CUX2: variants seen among roughly 807,000 people sequenced by gnomAD.
CUX2 encodes the protein homeobox protein cut-like 2.
A neutral mutation model predicts 144.8 loss-of-function variants in CUX2; 40 were observed. The ratio of observed to expected loss-of-function variants is 0.28; its 90% CI spans 0.21 to 0.36. The LOEUF is 0.36. CUX2 is among the 10% of genes least tolerant of loss of function. The pLI, the probability that CUX2 is intolerant of heterozygous loss-of-function variation, is 1.00. For missense variants in CUX2, 1,615 were observed against 1,994.0 expected (o/e 0.81, Z 3.62); for synonymous variants, 827 against 875.6 (o/e 0.94, Z 0.98).
intron 4 of CUX2, among the ~76,000 whole-genome samples, chr12:111,271,032 A>G (rs113098643): frequency 2.0e-5 from 3 of 152,238 alleles, no homozygotes; most frequent in Non-Finnish European, 4.4e-5. Context: ...ACATGAAAGC[A>G]TTCCGCAGGG....
intron 1 of CUX2, among the ~76,000 whole-genome samples, chr12:111,113,837 G>A (rs1026525004): frequency 5.3e-5 from 8 of 152,228 alleles, no homozygotes; most frequent in Admixed American, 3.9e-4. Context: ...GATTACAGGC[G>A]TGAGCTGCCG....
chr12:111,128,318 T>C (rs903973680), intron 1 of CUX2, among the ~76,000 whole-genome samples: 4 of 152,220 alleles, frequency 2.6e-5, no homozygotes, highest in Admixed American at 6.5e-5. Context: ...GAAGGAGCTG[T>C]CTGCTTGCCA....
chr12:111,049,809 G>A (rs1870176295), intron 1 of CUX2, among the ~76,000 whole-genome samples: 1 of 152,198 alleles, frequency 6.6e-6, no homozygotes, highest in Non-Finnish European at 1.5e-5. Flanking sequence ...CTTTTTGAGA[G>A]AGACTTTTTT....
At chr12:111,314,599 C>T (rs1469392731) in intron 16 of CUX2, among the ~76,000 whole-genome samples, 5 of 143,340 alleles carry the variant, frequency 3.5e-5, no homozygotes, top group Non-Finnish European at 1.5e-5. Context: ...GAGATCACAC[C>T]ACTACACTCC....
chr12:111,043,087 T>G (rs539996097), intron 1 of CUX2, among the ~76,000 whole-genome samples: 2 of 152,270 alleles, frequency 1.3e-5, no homozygotes, highest in African/African-American at 4.8e-5. Context: ...AATAATTATA[T>G]ATAAAAAACA....
At position 111,312,799 on chromosome 12, in the gene CUX2, C is replaced by A. The variant is rs973861187; in HGVS notation, c.2002+598C>A. The stretch of plus-strand genomic sequence containing the variant: ...GTCACATGAACTGTTCATAGTCATG[C>A]CCAGCTGCCGTGCACTCCACCCTGC... On this transcript the variant is annotated intron_variant, in intron 16 of 21. Coordinates refer to ENST00000261726, the MANE Select transcript of CUX2 (RefSeq NM_015267.4). This position sits in a 1 kb window ranked among gnomAD's most constrained non-coding sequence, Gnocchi z 4.3. 1.3e-4 allele frequency among the ~76,000 whole-genome samples: 20 copies of A among 152,180 alleles called. No individual in the cohort carries two copies. The highest frequency in any genetic ancestry group is 4.8e-4 in the African/African-American group (20 of 41,446).
rs186150988 is a variant in CUX2, at chr12:111,121,657, C to T, written c.63+87417C>T. ...GATTACAGGTGTGAGCCACTATGCC[C>T]GGCCAATAAACGTATTTTCTATAAA... is the stretch of plus-strand genomic sequence containing the variant. On this transcript the variant is annotated intron_variant, in intron 1 of 21. Coordinates refer to ENST00000261726, the MANE Select transcript of CUX2 (RefSeq NM_015267.4). Among the ~76,000 whole-genome samples the T allele has an allele frequency of 1.5e-4, 23 of 151,862 alleles. No homozygotes were observed. The East Asian group carries it at 3.1e-3, about 20-fold the overall frequency.
chr12:111,115,313 T>G (rs1192168913), intron 1 of CUX2, among the ~76,000 whole-genome samples: 3 of 129,632 alleles, frequency 2.3e-5, no homozygotes, highest in Non-Finnish European at 3.1e-5. Context: ...TGAGATAGAG[T>G]CTTGCTCTGT....
rs1185511746 is a variant in CUX2, at chr12:111,190,429, T to A, written c.64-23771T>A. Among the ~76,000 whole-genome samples, 1 of 152,214 alleles carries A rather than the reference T, an allele frequency of 6.6e-6. No individual in the cohort carries two copies. Among genetic ancestry groups the A allele is most frequent in the Non-Finnish European group, 1.5e-5 (1 of 68,038 alleles). ...CGCACACACCCCACACTCTTGTTCC[T>A]GACCTTTCTCAGGGAGACATCTCCC... is the stretch of plus-strand genomic sequence containing the variant. On this transcript the variant is annotated intron_variant, in intron 1 of 21. Transcript: ENST00000261726. This position sits in a 1 kb window ranked among gnomAD's most constrained non-coding sequence, Gnocchi z 4.0.
intron 21 of CUX2, among the ~76,000 whole-genome samples, chr12:111,343,258 C>G (rs1592990661): frequency 6.6e-6 from 1 of 152,076 alleles, no homozygotes; most frequent in Non-Finnish European, 1.5e-5. Context: ...TCAATGGCTG[C>G]TTCTTTCCAT....
chr12:111,319,443 T>C (rs1427182730), intron 16 of CUX2, among the ~76,000 whole-genome samples: 3 of 152,164 alleles, frequency 2.0e-5, no homozygotes, highest in Non-Finnish European at 4.4e-5. Context: ...ATTGCCTATG[T>C]AAAAGTCAGG....
chr12:111,276,289 G>A (rs1030654399), intron 4 of CUX2, among the ~76,000 whole-genome samples: 3 of 152,186 alleles, frequency 2.0e-5, no homozygotes, highest in Non-Finnish European at 1.5e-5. Context: ...AAGGGGTCGA[G>A]GCTGCAGTGA....
intron 1 of CUX2, among the ~76,000 whole-genome samples, chr12:111,172,878 G>A (rs1173853502): frequency 6.6e-6 from 1 of 152,230 alleles, no homozygotes; most frequent in African/African-American, 2.4e-5. Flanking sequence ...CTGAGTTATA[G>A]GAAAAGAAAT....
chr12:111,119,654 C>A (rs1874514646), intron 1 of CUX2, among the ~76,000 whole-genome samples: 1 of 152,160 alleles, frequency 6.6e-6, no homozygotes, highest in Non-Finnish European at 1.5e-5. Flanking sequence ...AGGGGAGGAT[C>A]CCATGAGTCT....
intron 1 of CUX2, among the ~76,000 whole-genome samples, chr12:111,128,384 T>C (rs1054877563): frequency 3.3e-5 from 5 of 152,092 alleles, no homozygotes; most frequent in Non-Finnish European, 5.9e-5. Flanking sequence ...GTCAATTCTG[T>C]CAGTTTATCA....
Position 111,347,528 on chromosome 12 carries a change from C to T in CUX2, c.3664C>T (p.Arg1222Trp), listed in dbSNP as rs1484115761. The part of the protein sequence containing the change: ...VINWFHNYRS[R>W]MRREMLVEGT... ...TCACCGCCGTCTCTGCCCCAGGTCC[C>T]GGATGCGCCGGGAGATGTTGGTGGA... is the stretch of plus-strand genomic sequence containing the variant. Residue 1222 changes from arginine (R) to tryptophan (W), a missense_variant, in exon 22 of 22, where the codon CGG becomes TGG. This residue lies in a region of CUX2 where 131 missense variants were observed against 223.1 expected (regional missense o/e 0.59). Coordinates refer to ENST00000261726, the MANE Select transcript of CUX2 (RefSeq NM_015267.4). 1.3e-6 allele frequency: 2 copies of T among 1,590,122 alleles called. No homozygotes were observed. The highest frequency in any genetic ancestry group is 1.7e-6 in the Non-Finnish European group (2 of 1,169,050).
chr12:111,223,410 A>G (rs1592854237), intron 3 of CUX2, among the ~76,000 whole-genome samples: 1 of 152,082 alleles, frequency 6.6e-6, no homozygotes, highest in South Asian at 2.1e-4. Context: ...TCCCATGCAC[A>G]TCTGCCGTGT....
At chr12:111,040,098 G>T (rs895668783) in intron 1 of CUX2, among the ~76,000 whole-genome samples, 3 of 151,820 alleles carry the variant, frequency 2.0e-5, no homozygotes, top group African/African-American at 7.3e-5. Context: ...ACCAGCCTGG[G>T]CAACATAGTG....
At chr12:111,073,903 C>T (rs140471359) in intron 1 of CUX2, among the ~76,000 whole-genome samples, 21 of 151,958 alleles carry the variant, frequency 1.4e-4, no homozygotes, top group African/African-American at 5.1e-4. Context: ...CTGCAGTGAG[C>T]GATGATCACA....
Sources: allele counts gnomAD v4.1 joint callset (sites outside exome capture counted in the v4.1 genomes callset), GRCh38; gene constraint gnomAD v4.1.1; regional missense constraint gnomAD v4.1.1; non-coding constraint Gnocchi (gnomAD v3.1); transcripts MANE v1.5; gene names NCBI Gene and HGNC (gene_info 2026-07-23, HGNC 2026-07-21).